SLC44A2: variants seen among roughly 807,000 people sequenced by gnomAD.
The protein encoded by SLC44A2 is solute carrier family 44 member 2 (CTL2 blood group).
A neutral mutation model predicts 90.8 loss-of-function variants in SLC44A2; 57 were observed. The observed-to-expected ratio is 0.63, with a 90% confidence interval of 0.51 to 0.78. The LOEUF (loss-of-function observed/expected upper bound fraction) is 0.78, where lower values mean the gene tolerates loss of function less well. Among genes scored for constraint, SLC44A2 ranks in the 30% least tolerant of loss-of-function variants. SLC44A2 has a pLI of 0.00. For synonymous variants in SLC44A2, 355 were observed against 360.7 expected (o/e 0.98, Z 0.18); for missense variants, 794 against 919.7 (o/e 0.86, Z 1.77).
chr19:10,619,430 A>AG (rs2066881242), intron 1 of SLC44A2, among the ~76,000 whole-genome samples: 1 of 123,610 alleles, frequency 8.1e-6, no homozygotes, highest in African/African-American at 3.2e-5. Context: ...CATGTTTCAG[A>AG]AAAAAAAAAA....
chr19:10,620,417 G>T (rs2066887517), intron 1 of SLC44A2, among the ~76,000 whole-genome samples: 1 of 152,124 alleles, frequency 6.6e-6, no homozygotes, highest in South Asian at 2.1e-4. Flanking sequence ...GGATGTTGCA[G>T]TGAGCCAAGA....
intron 1 of SLC44A2, among the ~76,000 whole-genome samples, chr19:10,607,912 T>C (rs940337616): frequency 1.8e-4 from 27 of 150,912 alleles, no homozygotes; most frequent in African/African-American, 6.6e-4. Context: ...TGCCTGCCAC[T>C]GCCCCCGGCT....
chr19:10,602,485 C>T, upstream of SLC44A2: 1 of 1,212,862 alleles, frequency 8.2e-7, no homozygotes, highest in Non-Finnish European at 1.0e-6. Context: ...CCCGCCCGGG[C>T]TGGGGTCGCG....
At chr19:10,631,213 G>A in intron 5 of SLC44A2, 62 bp from the exon 6 acceptor site, 1 of 1,604,140 alleles carries the variant, frequency 6.2e-7, no homozygotes, top group Non-Finnish European at 8.5e-7. Flanking sequence ...AATGTGGGCT[G>A]CGACCTCAGT....
rs1035954192 is a variant in SLC44A2 at position 10,643,624 on chromosome 19, C to G, written c.*239C>G. 1 of 397,920 alleles carries G rather than the reference C, an allele frequency of 2.5e-6. No homozygotes were observed. Among genetic ancestry groups the G allele is most frequent in the African/African-American group, 2.1e-5 (1 of 48,266 alleles). The allele number at this position is 397,920 out of a possible 1,614,324, so 24.6% of individuals were successfully genotyped here. ...CAGACTGCGAGAAACAAGTAAAAACCCATTGGGGCCTCTTGATGTCTGGGA... is the reference window on the plus strand; with the variant it reads ...CAGACTGCGAGAAACAAGTAAAAACGCATTGGGGCCTCTTGATGTCTGGGA... On this transcript the variant is annotated 3_prime_UTR_variant, in exon 22 of 22. Transcript: ENST00000335757.
chr19:10,621,729 G>A (rs187727845), upstream of SLC44A2, among the ~76,000 whole-genome samples: 410 of 151,998 alleles, frequency 2.7e-3, 12 homozygotes, highest in Admixed American at 0.024. Context: ...AGCGATTCTC[G>A]TGCCTCAGCC....
intron 20 of SLC44A2, chr19:10,641,033 G>A (rs1412579758): frequency 7.3e-6 from 3 of 412,570 alleles, no homozygotes; most frequent in East Asian, 7.4e-5. Context: ...GTTGCACTGA[G>A]CCAAGGTCCC....
At chr19:10,634,649 T>G in intron 10 of SLC44A2, 107 bp from the exon 11 acceptor site, 1 of 1,541,146 alleles carries the variant, frequency 6.5e-7, no homozygotes. Flanking sequence ...GTAAAGTCCC[T>G]GAGGCAGAAG....
intron 1 of SLC44A2, among the ~76,000 whole-genome samples, chr19:10,616,791 G>T (rs2066858674): frequency 6.6e-6 from 1 of 152,084 alleles, no homozygotes; most frequent in Non-Finnish European, 1.5e-5. Flanking sequence ...TGCCAAGGCT[G>T]TAGTACAATG....
At chr19:10,637,391 A>C in intron 16 of SLC44A2, 2 of 476,454 alleles carry the variant, frequency 4.2e-6, no homozygotes, top group African/African-American at 2.0e-5. Context: ...TCTTAGAGGA[A>C]GGGCTCTGGG....
intron 1 of SLC44A2, among the ~76,000 whole-genome samples, chr19:10,611,041 TA>T (rs1918288438): frequency 6.6e-6 from 1 of 152,076 alleles, no homozygotes; most frequent in African/African-American, 2.4e-5. Flanking sequence ...GAGGGAGTCT[TA>T]TGATGTTCCC....
At chr19:10,630,101 C>T (rs936866140) in intron 4 of SLC44A2, among the ~76,000 whole-genome samples, 1 of 152,156 alleles carries the variant, frequency 6.6e-6, no homozygotes, top group Non-Finnish European at 1.5e-5. Flanking sequence ...CGGTGGCTCA[C>T]GCCTGTAATC....
intron 21 of SLC44A2, chr19:10,643,011 A>C (rs188455206): frequency 1.7e-5 from 27 of 1,553,670 alleles, no homozygotes; most frequent in East Asian, 2.3e-5. Context: ...GCAGAAGCCG[A>C]GGAGTAGAGA....
chr19:10,641,125 G>A, intron 20 of SLC44A2: 1 of 400,506 alleles, frequency 2.5e-6, no homozygotes, highest in Non-Finnish European at 4.8e-6. Context: ...AGACGCAGGG[G>A]CCCACATGTA....
At chr19:10,605,888 G>A (rs1255552986) in intron 1 of SLC44A2, among the ~76,000 whole-genome samples, 1 of 151,922 alleles carries the variant, frequency 6.6e-6, no homozygotes, top group Non-Finnish European at 1.5e-5. Context: ...CAGCTACTTG[G>A]GAGGCTGAGA....
At chr19:10,617,316 T>C (rs1297614617) in intron 1 of SLC44A2, among the ~76,000 whole-genome samples, 1 of 152,126 alleles carries the variant, frequency 6.6e-6, no homozygotes, top group Non-Finnish European at 1.5e-5. Context: ...AAACCATTAG[T>C]ATTTGCTGTT....
chr19:10,638,572 G>A (rs572944444), intron 20 of SLC44A2, among the ~76,000 whole-genome samples: 130 of 152,086 alleles, frequency 8.5e-4, no homozygotes, highest in Middle Eastern at 3.4e-3. Flanking sequence ...TGCCTCCCGA[G>A]TAGTTGGGAT....
intron 16 of SLC44A2, chr19:10,637,212 T>C (rs1229093279): frequency 4.7e-6 from 1 of 213,556 alleles, no homozygotes; most frequent in Non-Finnish European, 9.5e-6. Context: ...TAGCCAGGCA[T>C]GGTGGTGTGT....
chr19:10,636,182 C>G, intron 14 of SLC44A2, 141 bp from the exon 15 acceptor site: 1 of 1,025,358 alleles, frequency 9.8e-7, no homozygotes, highest in South Asian at 1.6e-5. Context: ...ATATTCTGAA[C>G]TCTTAATTCC....
Sources: allele counts gnomAD v4.1 joint callset (sites outside exome capture counted in the v4.1 genomes callset), GRCh38; gene constraint gnomAD v4.1.1; transcripts MANE v1.5; gene names NCBI Gene and HGNC (gene_info 2026-07-23, HGNC 2026-07-21).